Variants in ARSB observed in about 807,000 individuals in gnomAD.
ARSB encodes arylsulfatase B.
In ARSB, 41 loss-of-function variants were observed where a neutral mutation model predicts 50.9. That is an observed-to-expected ratio of 0.81 (90% confidence interval 0.63 to 1.04). The LOEUF (loss-of-function observed/expected upper bound fraction) is 1.04. Ranked by LOEUF, ARSB falls within the 50% of genes least tolerant of loss-of-function variation. The pLI is 0.00. For missense variants in ARSB, 672 were observed against 693.3 expected (o/e 0.97, Z 0.35); for synonymous variants, 269 against 284.8 (o/e 0.94, Z 0.56).
chr5:78,889,879 G>T (rs548207051), intron 4 of ARSB, among the ~76,000 whole-genome samples: 1 of 152,110 alleles, frequency 6.6e-6, no homozygotes, highest in African/African-American at 2.4e-5. Flanking sequence ...TGCTTCAGCT[G>T]GGGCTTACCC....
chr5:78,969,284 T>C (rs1752346379), intron 1 of ARSB, 92 bp from the exon 2 acceptor site: 2 of 1,349,410 alleles, frequency 1.5e-6, no homozygotes, highest in Admixed American at 1.7e-5. Context: ...TGATCATATC[T>C]GTTGACTTGG....
chr5:78,939,851 C>T (rs1240539027), intron 4 of ARSB, among the ~76,000 whole-genome samples: 15 of 152,144 alleles, frequency 9.9e-5, no homozygotes, highest in South Asian at 2.1e-4. Context: ...CCTGAGGAAT[C>T]GCCACACTGA....
At chr5:78,917,568 G>A (rs1051012519) in intron 4 of ARSB, among the ~76,000 whole-genome samples, 2 of 151,930 alleles carry the variant, frequency 1.3e-5, no homozygotes, top group African/African-American at 2.4e-5. Flanking sequence ...GCTGGAGTGT[G>A]GTGGCACAAT....
At chr5:78,881,970 T>C (rs138492051) in intron 5 of ARSB, among the ~76,000 whole-genome samples, 97 of 152,356 alleles carry the variant, frequency 6.4e-4, no homozygotes, top group African/African-American at 2.2e-3. Flanking sequence ...TGGACAGCCA[T>C]ATAGAAACAT....
In ARSB at chr5:78,839,371, C is replaced by A. The variant is rs570630772; in HGVS notation, c.1198G>T (p.Val400Leu). ...TGGTACTCACACGGTGAAGAGTCCA[C>A]GAAGTTCGGGTCAATATTATGCAGC... ...ELLHNIDPNF[V>L]DSSPCPRNSM... Residue 400 changes from valine to leucine, a missense_variant, in exon 6 of 8, where the codon GTG becomes TTG. Transcript: ENST00000264914. 6.2e-6 allele frequency: 10 copies of A among 1,613,694 alleles called. No homozygotes were observed. In the Admixed American group the frequency reaches 1.2e-4, roughly 19 times the overall value.
chr5:78,890,593 C>T (rs939023426), intron 4 of ARSB, among the ~76,000 whole-genome samples: 2 of 152,136 alleles, frequency 1.3e-5, no homozygotes, highest in Admixed American at 1.3e-4. Context: ...AAGTTCCCAC[C>T]AGAGGTGTTT....
At chr5:78,908,096 T>C (rs1013419031) in intron 4 of ARSB, among the ~76,000 whole-genome samples, 3 of 152,298 alleles carry the variant, frequency 2.0e-5, no homozygotes, top group Non-Finnish European at 4.4e-5. Context: ...AGCTGTATGC[T>C]GGGGTCTTGA....
At chr5:78,899,813 T>A (rs900211081) in intron 4 of ARSB, among the ~76,000 whole-genome samples, 1 of 152,174 alleles carries the variant, frequency 6.6e-6, no homozygotes. Flanking sequence ...CTCGTTAGGG[T>A]CAGTCATTGG....
At chr5:78,907,384 C>CT (rs1749112114) in intron 4 of ARSB, among the ~76,000 whole-genome samples, 1 of 152,138 alleles carries the variant, frequency 6.6e-6, no homozygotes, top group Non-Finnish European at 1.5e-5. Context: ...GTTTCCAGGA[C>CT]TTTGGTTCAG....
At chr5:78,822,631 T>A (rs2112677898) in intron 6 of ARSB, among the ~76,000 whole-genome samples, 1 of 152,314 alleles carries the variant, frequency 6.6e-6, no homozygotes, top group South Asian at 2.1e-4. Context: ...CTAATCCTGT[T>A]TTTTTCTTCG....
At chr5:78,854,571 G>T (rs774531134) in intron 5 of ARSB, among the ~76,000 whole-genome samples, 6 of 152,082 alleles carry the variant, frequency 3.9e-5, no homozygotes, top group African/African-American at 9.7e-5. Context: ...TTTCATTGTG[G>T]TCAGGAAAGA....
intron 6 of ARSB, among the ~76,000 whole-genome samples, chr5:78,812,982 C>A (rs555817665): frequency 1.6e-4 from 24 of 152,202 alleles, no homozygotes; most frequent in Non-Finnish European, 3.1e-4. Context: ...CACAGTGAGA[C>A]CCTGTCTCAA....
chr5:78,783,659 C>T (rs565145327), intron 6 of ARSB, among the ~76,000 whole-genome samples: 3 of 152,240 alleles, frequency 2.0e-5, no homozygotes, highest in East Asian at 3.9e-4. Context: ...TGTGAACCCT[C>T]ATGGTTTACT....
At chr5:78,787,996 T>C (rs1433763356) in intron 6 of ARSB, among the ~76,000 whole-genome samples, 1 of 151,648 alleles carries the variant, frequency 6.6e-6, no homozygotes, top group Non-Finnish European at 1.5e-5. Context: ...GAGAGGAAAA[T>C]AATATGAGGA....
intron 3 of ARSB, among the ~76,000 whole-genome samples, chr5:78,957,313 A>C (rs894618429): frequency 8.5e-5 from 13 of 152,292 alleles, no homozygotes; most frequent in Admixed American, 5.2e-4. Flanking sequence ...TTCATTCTTC[A>C]TTGTTGACAA....
At chr5:78,790,604 T>C (rs1351647719) in intron 6 of ARSB, among the ~76,000 whole-genome samples, 1 of 152,210 alleles carries the variant, frequency 6.6e-6, no homozygotes, top group Non-Finnish European at 1.5e-5. Context: ...TACATGCTTA[T>C]AAACATAAAA....
chr5:78,906,969 T>C (rs1309008650), intron 4 of ARSB, among the ~76,000 whole-genome samples: 1 of 152,190 alleles, frequency 6.6e-6, no homozygotes, highest in East Asian at 1.9e-4. Flanking sequence ...ACCTGCTAGG[T>C]GCCCGCTACT....
chr5:78,953,643 A>T (rs976244585), intron 4 of ARSB, among the ~76,000 whole-genome samples: 1 of 152,238 alleles, frequency 6.6e-6, no homozygotes, highest in African/African-American at 2.4e-5. Context: ...TGGTCATGTT[A>T]CAGTAAAACT....
intron 6 of ARSB, chr5:78,816,000 G>A (rs1743972062): frequency 1.3e-6 from 2 of 1,558,006 alleles, no homozygotes; most frequent in East Asian, 4.9e-5. Flanking sequence ...AGCCACCCGA[G>A]GCCTTGAGGG....
Sources: allele counts gnomAD v4.1 joint callset (sites outside exome capture counted in the v4.1 genomes callset), GRCh38; gene constraint gnomAD v4.1.1; transcripts MANE v1.5; gene names NCBI Gene and HGNC (gene_info 2026-07-23, HGNC 2026-07-21).